The following TRAK2 variants were observed in gnomAD, a reference collection of about 807,000 sequenced individuals.
TRAK2 encodes trafficking kinesin protein 2, also known as trafficking kinesin-binding protein 2.
Under a neutral mutation model 104.6 loss-of-function variants are expected in TRAK2, and 81 were observed. The ratio of observed to expected loss-of-function variants is 0.77; its 90% CI spans 0.65 to 0.93. The LOEUF is 0.93. Ranked by LOEUF, TRAK2 falls within the 40% of genes least tolerant of loss-of-function variation. The probability of loss-of-function intolerance (pLI) is 0.00; values close to 1 mark genes in which losing one functional copy is unlikely to be tolerated. For missense variants in TRAK2, 1,002 were observed against 1,089.0 expected, an observed-to-expected ratio of 0.92 and a Z score of 1.12; for synonymous variants, 406 against 394.4, an observed-to-expected ratio of 1.03 and a Z score of -0.35.
intron 2 of TRAK2, among the ~76,000 whole-genome samples, chr2:201,413,546 T>A (rs1951666842): frequency 6.6e-6 from 1 of 152,046 alleles, no homozygotes; most frequent in African/African-American, 2.4e-5. Flanking sequence ...ACTATTGAGT[T>A]TTTACACCTA....
At chr2:201,422,208 G>A (rs1183315969) in intron 1 of TRAK2, among the ~76,000 whole-genome samples, 1 of 152,010 alleles carries the variant, frequency 6.6e-6, no homozygotes, top group Admixed American at 6.6e-5. Flanking sequence ...CTAAGATGTA[G>A]GGATAAGGAT....
intron 2 of TRAK2, among the ~76,000 whole-genome samples, chr2:201,413,813 G>A (rs1233798338): frequency 1.3e-5 from 2 of 152,120 alleles, no homozygotes; most frequent in Non-Finnish European, 2.9e-5. Flanking sequence ...TAGAAAGCAA[G>A]TTCCTACACA....
intron 1 of TRAK2, among the ~76,000 whole-genome samples, chr2:201,430,046 C>G (rs1198249375): frequency 1.3e-5 from 2 of 152,188 alleles, no homozygotes; most frequent in Non-Finnish European, 1.5e-5. Context: ...TTCCTTCTAA[C>G]AGTCAGGAGC....
intron 1 of TRAK2, among the ~76,000 whole-genome samples, chr2:201,443,847 G>C (rs553910209): frequency 6.6e-6 from 1 of 151,994 alleles, no homozygotes; most frequent in Non-Finnish European, 1.5e-5. Context: ...CCTTAAACAG[G>C]GTTCTTCTCC....
In TRAK2 at chr2:201,420,527, T is replaced by C. The variant is rs1951731491; in HGVS notation, c.-20A>G. 2 of 1,600,560 alleles carry C rather than the reference T, an allele frequency of 1.2e-6. No individual in the cohort carries two copies. Among genetic ancestry groups the C allele is most frequent in the African/African-American group, 2.7e-5 (2 of 74,774 alleles). ...ACTCATGCAGGATCCTTTCTTGCTT[T>C]GGTTGAGAAGGACAGCTTTGGTATG... On this transcript the variant is annotated 5_prime_UTR_variant, in exon 2 of 16. Transcript: ENST00000332624.
intron 2 of TRAK2, chr2:201,413,371 G>A: frequency 2.8e-6 from 2 of 721,906 alleles, no homozygotes; most frequent in South Asian, 4.4e-5. Flanking sequence ...GCAGAACTGG[G>A]CCTCTTTTTC....
chr2:201,381,208 G>C lies in TRAK2; in HGVS notation c.2080C>G (p.Pro694Ala). The change falls in exon 16 of 16, where the codon CCT becomes GCT. Residue 694 changes from proline to alanine, a missense_variant. Coordinates refer to ENST00000332624, the MANE Select transcript of TRAK2 (RefSeq NM_015049.3). ...CCGCTACTTCCACAGGATAATGAAG[G>C]GAACCCAGAGCTTAAAAAAAAAAAA... is the stretch of plus-strand genomic sequence containing the variant. Reference protein sequence around the residue: ...ITQVTPSSGFPSLSCGSSGSS... With the variant: ...ITQVTPSSGFASLSCGSSGSS... The C allele has an allele frequency of 3.2e-6, 5 of 1,583,008 alleles. No homozygotes were observed. The highest frequency in any genetic ancestry group is 4.3e-6 in the Non-Finnish European group (5 of 1,164,854).
At chr2:201,439,195 T>C (rs1951900674) in intron 1 of TRAK2, among the ~76,000 whole-genome samples, 1 of 152,150 alleles carries the variant, frequency 6.6e-6, no homozygotes, top group Non-Finnish European at 1.5e-5. Flanking sequence ...ATGAGACTGT[T>C]AGAACATGTG....
chr2:201,417,241 CAA>C (rs61702415), intron 2 of TRAK2, among the ~76,000 whole-genome samples: 9,051 of 88,792 alleles, frequency 0.1, 305 homozygotes, highest in Non-Finnish European at 0.15. Context: ...GAAGACATTG[CAA>C]AAAAAAAAAA....
In TRAK2 at chr2:201,392,952, G is replaced by A; in HGVS notation, c.1070C>T (p.Thr357Ile). 6.2e-7 allele frequency: 1 copy of A among 1,613,690 alleles called. No individual in the cohort carries two copies. Among genetic ancestry groups the A allele is most frequent in the Non-Finnish European group, 8.5e-7 (1 of 1,179,790 alleles). The change falls in exon 10 of 16, where the codon ACT (threonine) becomes ATT (isoleucine). Residue 357 changes from threonine (T) to isoleucine (I), a missense_variant. Transcript: ENST00000332624. Reference sequence around the variant, plus strand: ...TGATTGGGAGAAGTAGAGATGAGCAGTAGGGCCAGATCTACTACGAAGTTC... The same window carrying A: ...TGATTGGGAGAAGTAGAGATGAGCAATAGGGCCAGATCTACTACGAAGTTC... ...IKELRSRSGP[T>I]AHLYFSQSYG...
rs1430672899 is a variant in TRAK2, at chr2:201,381,096, G to C, written c.2192C>G (p.Ser731Cys). The change falls in exon 16 of 16, where the codon TCC (serine) becomes TGC (cysteine). Residue 731 changes from serine to cysteine, a missense_variant. By Grantham distance (112) the Ser-to-Cys change is moderately radical (BLOSUM62 -1). Transcript: ENST00000332624. Reference protein sequence around the residue: ...IGESITNRRDSTTTFSSTMSL... With the variant: ...IGESITNRRDCTTTFSSTMSL... ...CATGGTGCTACTGAAGGTTGTAGTGGAATCTCGTCGGTTGGTGATGGACTC... is the reference window on the plus strand; with the variant it reads ...CATGGTGCTACTGAAGGTTGTAGTGCAATCTCGTCGGTTGGTGATGGACTC... 3.1e-6 allele frequency: 5 copies of C among 1,613,958 alleles called. No homozygotes were observed. The African/African-American group carries it at 4.0e-5, about 13-fold the overall frequency.
At position 201,381,232 on chromosome 2, in the gene TRAK2, A is replaced by C; in HGVS notation, c.2070-14T>G. The C allele has an allele frequency of 4.5e-6, 7 of 1,562,786 alleles. No homozygotes were observed. Among genetic ancestry groups the C allele is most frequent in the Non-Finnish European group, 6.1e-6 (7 of 1,156,512 alleles). On this transcript the variant is annotated splice_polypyrimidine_tract_variant and intron_variant, in intron 15 of 15. Coordinates refer to ENST00000332624, the MANE Select transcript of TRAK2 (RefSeq NM_015049.3). ...GGGAACCCAGAGCTTAAAAAAAAAA[A>C]AAAAAAGTGGGAGACAGTGTTTAAG...
At chr2:201,387,029 TAA>T (rs769007301) in intron 13 of TRAK2, among the ~76,000 whole-genome samples, 2 of 152,226 alleles carry the variant, frequency 1.3e-5, no homozygotes, top group Non-Finnish European at 2.9e-5. Context: ...CATTTCATCC[TAA>T]AAATGGCAAC....
At chr2:201,404,905 G>A (rs964894241) in intron 3 of TRAK2, among the ~76,000 whole-genome samples, 1 of 152,062 alleles carries the variant, frequency 6.6e-6, no homozygotes, top group Non-Finnish European at 1.5e-5. Context: ...TTGCTGCTAC[G>A]ATATAGCAAA....
In TRAK2 at chr2:201,380,844, A is replaced by G. The variant is rs527445399; in HGVS notation, c.2444T>C (p.Met815Thr). ...GTTCCGGGAGGGTCTCAAGCCATAC[A>G]TCTCCTGGAGGAATGTCTCAGCTGG... ...SRPAETFLQE[M>T]YGLRPSRNPP... The change falls in exon 16 of 16, where the codon ATG becomes ACG. Residue 815 changes from methionine to threonine, a missense_variant. Physicochemically the swap from Met to Thr is moderately conservative, Grantham distance 81 (BLOSUM62 -1). Coordinates refer to ENST00000332624, the MANE Select transcript of TRAK2 (RefSeq NM_015049.3). 3.7e-6 allele frequency: 6 copies of G among 1,614,040 alleles called. No individual in the cohort carries two copies. The highest frequency in any genetic ancestry group is 1.7e-5 in the Admixed American group (1 of 59,976).
chr2:201,380,710 C>T lies in TRAK2; in HGVS notation c.2578G>A (p.Glu860Lys), dbSNP rs769974558. The T allele has an allele frequency of 1.2e-6, 2 of 1,614,094 alleles. No individual in the cohort carries two copies. The highest frequency in any genetic ancestry group is 1.1e-5 in the South Asian group (1 of 91,078). The change falls in exon 16 of 16, where the codon GAG (glutamate) becomes AAG (lysine). Residue 860 changes from glutamate (E) to lysine (K), a missense_variant. Transcript: ENST00000332624. ...GGTTTTTGAGGACCAATTTCTGCCT[C>T]CTGGCATCTTCCATTCTCTTGGGCA... Reference protein sequence around the residue: ...PGAQENGRCQEAEIGPQKPDS... With the variant: ...PGAQENGRCQKAEIGPQKPDS...
intron 12 of TRAK2, among the ~76,000 whole-genome samples, chr2:201,388,982 G>A (rs919004161): frequency 2.0e-5 from 3 of 151,954 alleles, no homozygotes; most frequent in South Asian, 2.1e-4. Flanking sequence ...ACAGAAAATC[G>A]ACAGCACCTC....
rs1951369630 is a variant in TRAK2 at position 201,384,345 on chromosome 2, G to T, written c.1964-129C>A. The T allele has an allele frequency of 1.0e-5, 7 of 702,354 alleles. No homozygotes were observed. In the East Asian group the frequency reaches 2.0e-4, roughly 20 times the overall value. The allele number at this position is 702,354 out of a possible 1,614,324, so 43.5% of individuals were successfully genotyped here. A position where few individuals can be genotyped will look rare whatever the true frequency, so the allele number is the denominator to read the frequency against. ...TTTGTATTAAAAATCCCCAAATCTGGAAATGAAATAAATATACATAAAGAT... is the reference window on the plus strand; with the variant it reads ...TTTGTATTAAAAATCCCCAAATCTGTAAATGAAATAAATATACATAAAGAT... On this transcript the variant is annotated intron_variant, in intron 14 of 15. Coordinates refer to ENST00000332624, the MANE Select transcript of TRAK2 (RefSeq NM_015049.3).
In TRAK2 at chr2:201,428,866, C is replaced by G. The variant is rs535417558; in HGVS notation, c.-199-8160G>C. ...CGTTGAGCAGTGGTTTGTAGTTCTC[C>G]TTGAAGAGGTCCTTCACATCCCTTG... On this transcript the variant is annotated intron_variant, in intron 1 of 15. Transcript: ENST00000332624. 6.6e-5 allele frequency among the ~76,000 whole-genome samples: 10 copies of G among 152,266 alleles called. No individual in the cohort carries two copies. In the East Asian group the frequency reaches 1.9e-3, roughly 29 times the overall value.
Sources: gnomAD v4.1 joint callset for allele counts (sites outside exome capture counted in the v4.1 genomes callset) on GRCh38, gnomAD v4.1.1 for gene constraint, MANE v1.5 for transcripts, NCBI Gene and HGNC (gene_info 2026-07-23, HGNC 2026-07-21) for gene names.